PAPSS2: variants seen among roughly 807,000 people sequenced by gnomAD.
PAPSS2 encodes the protein 3'-phosphoadenosine 5'-phosphosulfate synthase 2, also known as bifunctional 3'-phosphoadenosine 5'-phosphosulfate synthase 2.
PAPSS2 carries 61 observed loss-of-function variants against 66.5 expected under a neutral mutation model. That is an observed-to-expected ratio of 0.92 (90% CI 0.75 to 1.14). PAPSS2 has a LOEUF of 1.14. Ranked by LOEUF, PAPSS2 falls within the 50% of genes most tolerant of loss-of-function variation. PAPSS2 has a pLI of 0.00. For synonymous variants in PAPSS2, 289 were observed against 287.5 expected (o/e 1.01, Z -0.05); for missense variants, 708 against 789.6 (o/e 0.90, Z 1.24).
chr10:87,745,803 C>T (rs201231515), intron 12 of PAPSS2, 29 bp from the exon 13 acceptor site: 1 of 1,613,398 alleles, frequency 6.2e-7, no homozygotes, highest in Non-Finnish European at 8.5e-7. Flanking sequence ...TTTACCTACA[C>T]TGAGTTCTTT....
At position 87,689,450 on chromosome 10, in the gene PAPSS2, C is replaced by T. The variant is rs113407771; in HGVS notation, c.28-19746C>T. Among the ~76,000 whole-genome samples the T allele has an allele frequency of 6.4e-3, 970 of 151,786 alleles. 12 individuals are homozygous for T. Among genetic ancestry groups the T allele is most frequent in the African/African-American group, 0.023 (933 of 41,372 alleles). On this transcript the variant is annotated intron_variant, in intron 1 of 12. Transcript: ENST00000456849. ...CTTTGGGAGGCCGAGGCAGGTGGAT[C>T]ACCTGAAGTCAGGAGTTCGAGACCA...
At chr10:87,720,980 A>C (rs1267548917) in intron 7 of PAPSS2, among the ~76,000 whole-genome samples, 1 of 152,168 alleles carries the variant, frequency 6.6e-6, no homozygotes, top group African/African-American at 2.4e-5. Flanking sequence ...TCCAAGTAGG[A>C]TCAAGACAGG....
intron 1 of PAPSS2, among the ~76,000 whole-genome samples, chr10:87,702,475 T>A (rs1853330567): frequency 6.6e-6 from 1 of 152,204 alleles, no homozygotes; most frequent in Non-Finnish European, 1.5e-5. Flanking sequence ...GGGCAATCAC[T>A]GGGGTTGCAA....
At chr10:87,676,799 C>T (rs745906066) in intron 1 of PAPSS2, among the ~76,000 whole-genome samples, 11 of 139,808 alleles carry the variant, frequency 7.9e-5, no homozygotes, top group Non-Finnish European at 1.5e-4. Context: ...TTGAGCCCAG[C>T]GGTTCCAGGC....
intron 1 of PAPSS2, among the ~76,000 whole-genome samples, chr10:87,662,529 C>T (rs1852764708): frequency 6.6e-6 from 1 of 152,078 alleles, no homozygotes; most frequent in African/African-American, 2.4e-5. Flanking sequence ...TTCCACCCCT[C>T]ACTTACCTCC....
rs192026176 is a variant in PAPSS2 at position 87,697,116 on chromosome 10, C to T, written c.28-12080C>T. ...TGGCAGTGACAATTTCTCAGCCTTTCCTTGGTTTTGATGACCTTGACAGTT... is the reference window on the plus strand; with the variant it reads ...TGGCAGTGACAATTTCTCAGCCTTTTCTTGGTTTTGATGACCTTGACAGTT... On this transcript the variant is annotated intron_variant, in intron 1 of 12. Coordinates refer to ENST00000456849, the MANE Select transcript of PAPSS2 (RefSeq NM_001015880.2). Among the ~76,000 whole-genome samples, 6 of 152,290 alleles carry T rather than the reference C, an allele frequency of 3.9e-5. No homozygotes were observed. In the South Asian group the frequency reaches 6.2e-4, roughly 16 times the overall value.
At chr10:87,660,886 C>T in intron 1 of PAPSS2, 1 of 433,232 alleles carries the variant, frequency 2.3e-6, no homozygotes. Context: ...TTCTAGACAG[C>T]ACTGGGGCCA....
At position 87,713,148 on chromosome 10, in the gene PAPSS2, T is replaced by C. The variant is rs779550315; in HGVS notation, c.219T>C (p.Cys73=). The C allele has an allele frequency of 9.9e-6, 16 of 1,613,278 alleles. No individual in the cohort carries two copies. In the South Asian group the frequency reaches 1.5e-4, roughly 16 times the overall value. Residue 73 remains cysteine, a synonymous_variant, in exon 3 of 13, where the codon TGT becomes TGC. Coordinates refer to ENST00000456849, the MANE Select transcript of PAPSS2 (RefSeq NM_001015880.2). ...EEYLVSHAIP[C]YSLDGDNVRH... is the part of the protein sequence containing the mutation. ...ACCTTGTCTCCCATGCCATCCCTTG[T>C]TACTCCCTGGATGGGGACAATGTCC...
At chr10:87,669,508 T>G (rs2131895538) in intron 1 of PAPSS2, among the ~76,000 whole-genome samples, 1 of 152,276 alleles carries the variant, frequency 6.6e-6, no homozygotes, top group South Asian at 2.1e-4. Flanking sequence ...AATAACCAAA[T>G]CATAACTAAA....
At chr10:87,712,513 G>T (rs1853474691) in intron 2 of PAPSS2, among the ~76,000 whole-genome samples, 1 of 152,146 alleles carries the variant, frequency 6.6e-6, no homozygotes, top group Admixed American at 6.5e-5. Flanking sequence ...GTGTAGTGGT[G>T]CCATCACGGC....
chr10:87,728,220 A>C (rs1308866639), intron 9 of PAPSS2, among the ~76,000 whole-genome samples: 1 of 152,176 alleles, frequency 6.6e-6, no homozygotes, highest in Non-Finnish European at 1.5e-5. Flanking sequence ...CCCACAAAGA[A>C]AAATACATGA....
chr10:87,709,502 C>A (rs762310954), intron 2 of PAPSS2, among the ~76,000 whole-genome samples, 189 bp downstream of exon 2: 1 of 152,154 alleles, frequency 6.6e-6, no homozygotes, highest in Non-Finnish European at 1.5e-5. Flanking sequence ...AGGTCAACTA[C>A]AGAAATAAGA....
chr10:87,720,063 T>G (rs1338800185), intron 7 of PAPSS2, among the ~76,000 whole-genome samples: 1 of 151,968 alleles, frequency 6.6e-6, no homozygotes, highest in Non-Finnish European at 1.5e-5. Context: ...TTTTTGTATT[T>G]TTAGTAGAGA....
chr10:87,674,286 C>G (rs1852917292), intron 1 of PAPSS2, among the ~76,000 whole-genome samples: 1 of 152,172 alleles, frequency 6.6e-6, no homozygotes, highest in Non-Finnish European at 1.5e-5. Context: ...TGCCTCAGCT[C>G]TCTGAGTAGC....
intron 2 of PAPSS2, among the ~76,000 whole-genome samples, chr10:87,711,047 T>G (rs577546441): frequency 6.6e-6 from 1 of 152,324 alleles, no homozygotes; most frequent in South Asian, 2.1e-4. Context: ...AGTCATCTTT[T>G]TCTAATTTAT....
intron 1 of PAPSS2, among the ~76,000 whole-genome samples, chr10:87,683,267 A>G (rs1287410899): frequency 6.6e-6 from 1 of 151,484 alleles, no homozygotes; most frequent in African/African-American, 2.4e-5. Context: ...GAATTTTTGT[A>G]TTTTTAGTAG....
intron 1 of PAPSS2, among the ~76,000 whole-genome samples, chr10:87,706,287 C>T (rs1437413597): frequency 4.0e-5 from 6 of 150,836 alleles, no homozygotes; most frequent in African/African-American, 9.8e-5. Flanking sequence ...TGAGTAGGAG[C>T]TCAATAAACA....
At chr10:87,699,990 T>C (rs1853282889) in intron 1 of PAPSS2, among the ~76,000 whole-genome samples, 2 of 152,116 alleles carry the variant, frequency 1.3e-5, no homozygotes, top group Admixed American at 6.5e-5. Context: ...TTATCACTAT[T>C]AGCATTTTTC....
At chr10:87,729,567 C>T (rs1179788500) in intron 9 of PAPSS2, among the ~76,000 whole-genome samples, 1 of 152,156 alleles carries the variant, frequency 6.6e-6, no homozygotes, top group Non-Finnish European at 1.5e-5. Context: ...CTCCCTATTT[C>T]CTGAGATCCA....
Sources: gnomAD v4.1 joint callset for allele counts (sites outside exome capture counted in the v4.1 genomes callset) on GRCh38, gnomAD v4.1.1 for gene constraint, MANE v1.5 for transcripts, NCBI Gene and HGNC (gene_info 2026-07-23, HGNC 2026-07-21) for gene names.